Variants in GABRR3 observed in about 807,000 individuals in gnomAD.
The protein encoded by GABRR3 is gamma-aminobutyric acid receptor subunit rho-3.
In GABRR3, 29 loss-of-function variants were observed where a neutral mutation model predicts 43.2. The observed-to-expected ratio is 0.67, with a 90% CI of 0.50 to 0.92. The LOEUF is 0.92. GABRR3 is among the 40% of genes least tolerant of loss of function. GABRR3 has a pLI of 0.00. For synonymous variants in GABRR3, 206 were observed against 195.9 expected (o/e 1.05, Z -0.43); for missense variants, 576 against 572.3 (o/e 1.01, Z -0.07).
At chr3:97,995,224 C>G (rs774490377) in intron 8 of GABRR3, among the ~76,000 whole-genome samples, 2 of 152,002 alleles carry the variant, frequency 1.3e-5, no homozygotes, top group Admixed American at 6.6e-5. Flanking sequence ...TGATCTGCCC[C>G]CCTTGGCCTC....
intron 2 of GABRR3, among the ~76,000 whole-genome samples, chr3:98,026,529 T>C (rs1707018256): frequency 6.6e-6 from 1 of 151,950 alleles, no homozygotes; most frequent in African/African-American, 2.4e-5. Flanking sequence ...TTAGCATAGC[T>C]CCTTTGTGAG....
intron 8 of GABRR3, among the ~76,000 whole-genome samples, chr3:97,994,270 G>A (rs1022207604): frequency 6.6e-6 from 1 of 152,178 alleles, no homozygotes. Flanking sequence ...TCATCTGAGA[G>A]AGCCCCATAT....
chr3:97,994,051 G>T (rs1706505322), intron 8 of GABRR3, among the ~76,000 whole-genome samples: 2 of 152,206 alleles, frequency 1.3e-5, no homozygotes, highest in South Asian at 4.1e-4. Flanking sequence ...ACACTGGCTG[G>T]TATGGTTTTA....
chr3:97,997,098 C>T (rs940906931), intron 8 of GABRR3, among the ~76,000 whole-genome samples: 4 of 152,142 alleles, frequency 2.6e-5, no homozygotes, highest in Non-Finnish European at 4.4e-5. Flanking sequence ...AAAGATAAGC[C>T]ACTCCTGTCC....
intron 2 of GABRR3, among the ~76,000 whole-genome samples, chr3:98,026,402 CCT>C (rs1707016494): frequency 6.6e-6 from 1 of 152,026 alleles, no homozygotes; most frequent in Non-Finnish European, 1.5e-5. Flanking sequence ...GGAATAAGGC[CCT>C]GTCTCTCCCT....
At chr3:97,987,220 G>C (rs1461407148) in intron 9 of GABRR3, among the ~76,000 whole-genome samples, 2 of 152,058 alleles carry the variant, frequency 1.3e-5, no homozygotes, top group Non-Finnish European at 2.9e-5. Context: ...GCTTAAACTG[G>C]GGATGGGATA....
intron 8 of GABRR3, among the ~76,000 whole-genome samples, chr3:97,994,542 T>C (rs925854183): frequency 1.3e-5 from 2 of 152,232 alleles, no homozygotes; most frequent in African/African-American, 2.4e-5. Context: ...GGGTGCTGTC[T>C]GTATTCCCTG....
chr3:98,013,510 A>G (rs1706833698), intron 4 of GABRR3, among the ~76,000 whole-genome samples: 1 of 152,138 alleles, frequency 6.6e-6, no homozygotes, highest in South Asian at 2.1e-4. Flanking sequence ...CTATTTCACA[A>G]TTGCTTACTT....
chr3:98,020,513 T>C (rs1362413523), intron 3 of GABRR3, among the ~76,000 whole-genome samples: 2 of 151,854 alleles, frequency 1.3e-5, no homozygotes, highest in Admixed American at 6.6e-5. Context: ...ATCATTTATT[T>C]ATTTTTTTAA....
rs1355070021 is a variant in GABRR3, at chr3:97,993,051, G to A, written c.908-3C>T. 7 of 1,584,886 alleles carry A rather than the reference G, an allele frequency of 4.4e-6. No individual in the cohort carries two copies. The East Asian group carries it at 6.8e-5, about 15-fold the overall frequency. ...CATGGTCAGCACTGTGGTGATTCCT[G>A]CCATTTGAGAATAGTGGCAAGCTCA... On this transcript the variant is annotated splice_region_variant and splice_polypyrimidine_tract_variant and intron_variant, in intron 8 of 9. Coordinates refer to ENST00000621172, the Ensembl canonical transcript of GABRR3.
intron 3 of GABRR3, among the ~76,000 whole-genome samples, chr3:98,024,836 C>A (rs558935889): frequency 6.6e-6 from 1 of 152,276 alleles, no homozygotes; most frequent in African/African-American, 2.4e-5. Context: ...AACTTGGTAC[C>A]CTCAGTGATG....
intron 7 of GABRR3, among the ~76,000 whole-genome samples, chr3:98,001,991 C>T (rs367979405): frequency 1.4e-4 from 22 of 152,154 alleles, no homozygotes; most frequent in African/African-American, 3.6e-4. Context: ...CTTCCAAACC[C>T]GCAGTTCAGG....
At chr3:98,032,860 T>C (rs955236328) in intron 2 of GABRR3, among the ~76,000 whole-genome samples, 2 of 152,190 alleles carry the variant, frequency 1.3e-5, no homozygotes, top group Admixed American at 6.6e-5. Flanking sequence ...TTTTGCATTA[T>C]AGAAGAGTGG....
exon 5 of GABRR3, chr3:98,012,442 G>C: frequency 6.2e-7 from 1 of 1,613,920 alleles, no homozygotes; most frequent in Admixed American, 1.7e-5. Context: ...GGACAAAAAA[G>C]ATATCAGGCA....
At chr3:97,999,939 T>A (rs1706614989) in intron 8 of GABRR3, 1 of 152,000 alleles carries the variant, frequency 6.6e-6, no homozygotes, top group Non-Finnish European at 1.5e-5. Flanking sequence ...TTGGGACAGA[T>A]GAATAGGTAT....
intron 7 of GABRR3, among the ~76,000 whole-genome samples, chr3:98,006,065 A>G (rs1205645534): frequency 6.6e-6 from 1 of 152,116 alleles, no homozygotes. Context: ...AAAAATCCTG[A>G]TAAATATATG....
intron 3 of GABRR3, among the ~76,000 whole-genome samples, chr3:98,022,938 A>T (rs1255909462): frequency 1.3e-5 from 2 of 152,200 alleles, no homozygotes; most frequent in East Asian, 1.9e-4. Flanking sequence ...GGTCAATTTC[A>T]TGTTTTTCTG....
rs780750443 is a variant in GABRR3, at chr3:98,001,600, T to C, written c.907+15A>G. 23 of 1,612,204 alleles carry C rather than the reference T, an allele frequency of 1.4e-5. No individual in the cohort carries two copies. The East Asian group carries it at 2.0e-4, about 14-fold the overall frequency. On this transcript the variant is annotated intron_variant, in intron 8 of 9. Transcript: ENST00000621172. ...CTCCCATGTTAACATTTTATAAAGA[T>C]GGGGAAAGATTTACCCAGGGAAACT...
intron 4 of GABRR3, among the ~76,000 whole-genome samples, chr3:98,017,026 A>T (rs560341253): frequency 6.6e-6 from 1 of 152,312 alleles, no homozygotes; most frequent in East Asian, 1.9e-4. Flanking sequence ...AAGATAAGGG[A>T]TCAGTTTCAA....
Sources: gnomAD v4.1 joint callset for allele counts (sites outside exome capture counted in the v4.1 genomes callset) on GRCh38, gnomAD v4.1.1 for gene constraint, MANE v1.5 for transcripts, NCBI Gene and HGNC (gene_info 2026-07-23, HGNC 2026-07-21) for gene names.